The following CSMD1 variants were observed in gnomAD, a reference collection of about 807,000 sequenced individuals.
CSMD1 encodes the protein CUB and sushi domain-containing protein 1.
In CSMD1, 213 loss-of-function variants were observed where a neutral mutation model predicts 417.5. The ratio of observed to expected loss-of-function variants is 0.51; its 90% CI spans 0.46 to 0.57. The LOEUF (loss-of-function observed/expected upper bound fraction) is 0.57. Among genes scored for constraint, CSMD1 ranks in the 20% least tolerant of loss-of-function variants. The pLI is 0.00. For synonymous variants in CSMD1, 2,862 were observed against 1,736.8 expected, an observed-to-expected ratio of 1.65 and a Z score of -16.11; for missense variants, 6,923 against 4,529.7, an observed-to-expected ratio of 1.53 and a Z score of -15.17.
At chr8:3,677,916 G>A (rs77133810) in intron 7 of CSMD1, among the ~76,000 whole-genome samples, 2,066 of 152,206 alleles carry the variant, frequency 0.014, 49 homozygotes, top group African/African-American at 0.047. Flanking sequence ...TAATAGAGCT[G>A]TTTGTATTAG....
At chr8:3,418,288 A>G (rs751845222) in intron 12 of CSMD1, among the ~76,000 whole-genome samples, 4 of 152,144 alleles carry the variant, frequency 2.6e-5, no homozygotes, top group Non-Finnish European at 4.4e-5. Context: ...GAACTGTCTC[A>G]GCAGCTCATC....
intron 10 of CSMD1, among the ~76,000 whole-genome samples, chr8:3,568,972 C>T (rs1234674458): frequency 1.1e-4 from 16 of 152,072 alleles, no homozygotes; most frequent in African/African-American, 3.9e-4. Context: ...ATATATATTA[C>T]TTTTTCAAGA....
At chr8:4,243,836 G>C (rs562676420) in intron 3 of CSMD1, among the ~76,000 whole-genome samples, 5 of 152,128 alleles carry the variant, frequency 3.3e-5, no homozygotes, top group Non-Finnish European at 7.4e-5. Context: ...AGATGTATAA[G>C]AAAACAGAGT....
At chr8:4,978,226 C>T (rs1011362254) in intron 1 of CSMD1, among the ~76,000 whole-genome samples, 4 of 152,072 alleles carry the variant, frequency 2.6e-5, no homozygotes, top group African/African-American at 9.7e-5. Flanking sequence ...GAGACCCAAC[C>T]TTTTAAGATA....
chr8:4,549,855 C>T (rs1320798545), intron 2 of CSMD1, among the ~76,000 whole-genome samples: 3 of 142,170 alleles, frequency 2.1e-5, no homozygotes, highest in Non-Finnish European at 4.5e-5. Flanking sequence ...CAAGATCTTG[C>T]CACTGCACTC....
chr8:4,798,409 T>C (rs980825517), intron 1 of CSMD1, among the ~76,000 whole-genome samples: 4 of 152,212 alleles, frequency 2.6e-5, no homozygotes, highest in African/African-American at 9.6e-5. Flanking sequence ...AAAAATATTC[T>C]AATTTTTAAG....
At chr8:3,965,702 C>G (rs1329479557) in intron 5 of CSMD1, among the ~76,000 whole-genome samples, 1 of 152,154 alleles carries the variant, frequency 6.6e-6, no homozygotes, top group Non-Finnish European at 1.5e-5. Flanking sequence ...ACTACAACCT[C>G]TGCCTCCCAC....
At chr8:4,168,664 C>G (rs1254743143) in intron 3 of CSMD1, among the ~76,000 whole-genome samples, 3 of 152,184 alleles carry the variant, frequency 2.0e-5, no homozygotes, top group South Asian at 2.1e-4. Context: ...GTACATCATT[C>G]TCACATTTTT....
At chr8:4,960,712 C>A (rs375958059) in intron 1 of CSMD1, among the ~76,000 whole-genome samples, 1 of 151,938 alleles carries the variant, frequency 6.6e-6, no homozygotes, top group Non-Finnish European at 1.5e-5. Context: ...AGTTTTAGTC[C>A]GGTAGTTTCC....
chr8:3,369,211 C>A (rs756770995), intron 19 of CSMD1, 43 bp downstream of exon 19: 2 of 954,348 alleles, frequency 2.1e-6, no homozygotes, highest in South Asian at 2.8e-5. Flanking sequence ...TTTTCTGTCT[C>A]ATTTATTAGT....
intron 17 of CSMD1, 49 bp downstream of exon 17, chr8:3,396,145 C>A: frequency 6.8e-7 from 1 of 1,471,270 alleles, no homozygotes; most frequent in South Asian, 1.2e-5. Context: ...ATCTTTAGTT[C>A]TCCCATGCAT....
intron 3 of CSMD1, among the ~76,000 whole-genome samples, chr8:4,338,675 G>C (rs1212786014): frequency 6.6e-6 from 1 of 152,086 alleles, no homozygotes; most frequent in African/African-American, 2.4e-5. Flanking sequence ...GTCAGAAATA[G>C]AAGCCACAAT....
At position 3,622,458 on chromosome 8, in the gene CSMD1, T is replaced by G. The variant is rs78528902; in HGVS notation, c.1010-5661A>C. Among the ~76,000 whole-genome samples, 1,086 of 152,318 alleles carry G rather than the reference T, an allele frequency of 7.1e-3. 14 individuals are homozygous for G. Among genetic ancestry groups the G allele is most frequent in the African/African-American group, 0.023 (953 of 41,574 alleles). On this transcript the variant is annotated intron_variant, in intron 7 of 69. Transcript: ENST00000635120. The stretch of plus-strand genomic sequence containing the variant: ...TTGCATGTCTCCTTTTCTATTTTTC[T>G]CACAAGGAATAGCAGTTAAAAGAAA...
At position 3,808,391 on chromosome 8, in the gene CSMD1, C is replaced by G. The variant is rs886086631; in HGVS notation, c.819-54349G>C. Among the ~76,000 whole-genome samples, 3 of 152,110 alleles carry G rather than the reference C, an allele frequency of 2.0e-5. 1 individual carries two copies. The highest frequency in any genetic ancestry group is 2.0e-4 in the Admixed American group (3 of 15,264). Reference sequence around the variant, plus strand: ...AAGGACTGACTGTGATAATGACAACCGTGGTAAAAAGTAAGTTTTACTACT... The same window carrying G: ...AAGGACTGACTGTGATAATGACAACGGTGGTAAAAAGTAAGTTTTACTACT... On this transcript the variant is annotated intron_variant, in intron 5 of 69. Coordinates refer to ENST00000635120, the MANE Select transcript of CSMD1 (RefSeq NM_033225.6).
intron 21 of CSMD1, among the ~76,000 whole-genome samples, chr8:3,350,561 A>G (rs1808351167): frequency 6.6e-6 from 1 of 152,176 alleles, no homozygotes; most frequent in Non-Finnish European, 1.5e-5. Flanking sequence ...TTAATAATTC[A>G]CACTACTGTT....
chr8:4,905,916 TCTTTC>T (rs1356167781), intron 1 of CSMD1, among the ~76,000 whole-genome samples: 1 of 152,044 alleles, frequency 6.6e-6, no homozygotes, highest in Non-Finnish European at 1.5e-5. Flanking sequence ...TCAGAGCCAC[TCTTTC>T]CTTTCACCAG....
intron 5 of CSMD1, among the ~76,000 whole-genome samples, chr8:3,849,025 A>ATAAACT (rs1803699791): frequency 1.3e-5 from 2 of 151,984 alleles, no homozygotes; most frequent in Non-Finnish European, 2.9e-5. Flanking sequence ...CTCTGCTCAT[A>ATAAACT]TAAACTTAAA....
chr8:4,209,315 A>C (rs1390885930), intron 3 of CSMD1, among the ~76,000 whole-genome samples: 1 of 152,268 alleles, frequency 6.6e-6, no homozygotes, highest in Middle Eastern at 3.4e-3. Context: ...CCCATCTATG[A>C]GACATCTTCC....
chr8:3,548,013 G>A (rs1798748556), intron 10 of CSMD1, among the ~76,000 whole-genome samples: 1 of 152,142 alleles, frequency 6.6e-6, no homozygotes, highest in Non-Finnish European at 1.5e-5. Context: ...AAGGAAATGA[G>A]TTTATAAACT....
Sources: allele counts gnomAD v4.1 joint callset (sites outside exome capture counted in the v4.1 genomes callset), GRCh38; gene constraint gnomAD v4.1.1; transcripts MANE v1.5; gene names NCBI Gene and HGNC (gene_info 2026-07-23, HGNC 2026-07-21).